Variants in AFG1L observed in about 807,000 individuals in gnomAD.
AFG1L encodes the protein AFG1-like ATPase.
Under a neutral mutation model 62.2 loss-of-function variants are expected in AFG1L, and 53 were observed. The observed-to-expected ratio is 0.85, with a 90% CI of 0.68 to 1.07. The LOEUF (loss-of-function observed/expected upper bound fraction) is 1.07, where lower values mean the gene tolerates loss of function less well. Among genes scored for constraint, AFG1L ranks in the 50% least tolerant of loss-of-function variants. The pLI is 0.00. For missense variants in AFG1L, 555 were observed against 590.5 expected, an observed-to-expected ratio of 0.94 and a Z score of 0.62; for synonymous variants, 228 against 210.3, an observed-to-expected ratio of 1.08 and a Z score of -0.73.
At chr6:108,353,774 TCTA>T (rs1779167783) in intron 3 of AFG1L, among the ~76,000 whole-genome samples, 1 of 152,352 alleles carries the variant, frequency 6.6e-6, no homozygotes, top group African/African-American at 2.4e-5. Context: ...TTATTTAAAA[TCTA>T]CTGCTAATCA....
chr6:108,395,403 CTTTTT>C (rs71551344), intron 6 of AFG1L, among the ~76,000 whole-genome samples: 2 of 122,938 alleles, frequency 1.6e-5, no homozygotes, highest in Non-Finnish European at 3.3e-5. Flanking sequence ...CTTTTCTTTT[CTTTTT>C]TTTTTTTTTT....
At chr6:108,405,813 C>T (rs1781827205) in intron 7 of AFG1L, among the ~76,000 whole-genome samples, 1 of 152,154 alleles carries the variant, frequency 6.6e-6, no homozygotes, top group Non-Finnish European at 1.5e-5. Context: ...CCCTGATTAC[C>T]ACCATTCTGC....
At chr6:108,474,348 T>C (rs1169868079) in intron 8 of AFG1L, among the ~76,000 whole-genome samples, 2 of 152,232 alleles carry the variant, frequency 1.3e-5, no homozygotes. Flanking sequence ...CAAATATATG[T>C]GTGCATTTAT....
intron 9 of AFG1L, 70 bp from the exon 10 acceptor site, chr6:108,477,122 C>A: frequency 9.0e-7 from 1 of 1,105,434 alleles, no homozygotes; most frequent in Middle Eastern, 2.0e-4. Context: ...CTATGCATTT[C>A]CTATCTGTAA....
rs1316940427 is a variant in AFG1L, at chr6:108,316,330, G to A, written c.140-7495G>A. On this transcript the variant is annotated intron_variant, in intron 1 of 12. Coordinates refer to ENST00000368977, the MANE Select transcript of AFG1L (RefSeq NM_145315.5). The stretch of plus-strand genomic sequence containing the variant: ...CGGGAGGCGGAGCTTGCAGTGAGCC[G>A]AGATCCCGCCACTGCACTCCAGCCT... Among the ~76,000 whole-genome samples the A allele has an allele frequency of 3.4e-4, 37 of 107,774 alleles. 1 individual carries two copies. The East Asian group carries it at 0.012, about 34-fold the overall frequency. 70.7% of individuals were successfully genotyped at this position (107,774 alleles called of 152,430 possible). A position where few individuals can be genotyped will look rare whatever the true frequency, so the allele number is the denominator to read the frequency against.
chr6:108,416,595 T>G (rs971696293), intron 7 of AFG1L, among the ~76,000 whole-genome samples: 1 of 152,046 alleles, frequency 6.6e-6, no homozygotes, highest in Non-Finnish European at 1.5e-5. Context: ...TATGCAGCCA[T>G]AAAAAAGGAT....
intron 6 of AFG1L, among the ~76,000 whole-genome samples, chr6:108,389,737 C>G (rs550748443): frequency 2.0e-5 from 3 of 152,218 alleles, no homozygotes; most frequent in Admixed American, 1.3e-4. Context: ...GAATTTCTGC[C>G]GAGAGATCCG....
At chr6:108,419,415 C>T (rs188910014) in intron 7 of AFG1L, among the ~76,000 whole-genome samples, 113 of 152,142 alleles carry the variant, frequency 7.4e-4, no homozygotes, top group Admixed American at 2.2e-3. Flanking sequence ...TGAAAAATAA[C>T]CAACAAGGCA....
intron 1 of AFG1L, among the ~76,000 whole-genome samples, chr6:108,297,712 G>T (rs192449642): frequency 1.3e-5 from 2 of 151,750 alleles, no homozygotes; most frequent in East Asian, 3.9e-4. Context: ...AAACTTAGCC[G>T]GGTGTGGTGG....
chr6:108,355,533 CAT>C, intron 3 of AFG1L, 119 bp from the exon 4 acceptor site: 1 of 493,054 alleles, frequency 2.0e-6, no homozygotes, highest in Non-Finnish European at 3.5e-6. Flanking sequence ...AAAGAAGTGA[CAT>C]AGTCTTCAGC....
chr6:108,367,440 A>C (rs1779807091), intron 6 of AFG1L, among the ~76,000 whole-genome samples: 1 of 152,114 alleles, frequency 6.6e-6, no homozygotes. Context: ...GGAGCAGTAA[A>C]GTGGTGAGAA....
At chr6:108,517,280 G>T (rs1380724692) in intron 11 of AFG1L, among the ~76,000 whole-genome samples, 1 of 152,152 alleles carries the variant, frequency 6.6e-6, no homozygotes, top group Non-Finnish European at 1.5e-5. Context: ...AACCAAAACA[G>T]CATGTTACTG....
intron 7 of AFG1L, among the ~76,000 whole-genome samples, chr6:108,409,150 A>G (rs1781992738): frequency 6.6e-6 from 1 of 152,244 alleles, no homozygotes; most frequent in African/African-American, 2.4e-5. Context: ...AAAATACTGG[A>G]AAGAAATATC....
At chr6:108,446,970 A>G (rs1771832908) in intron 7 of AFG1L, among the ~76,000 whole-genome samples, 1 of 152,184 alleles carries the variant, frequency 6.6e-6, no homozygotes. Flanking sequence ...TTTTTAGGCA[A>G]TGTTTCAGAA....
At chr6:108,428,035 AG>A (rs1021507258) in intron 7 of AFG1L, among the ~76,000 whole-genome samples, 4 of 152,196 alleles carry the variant, frequency 2.6e-5, no homozygotes, top group African/African-American at 9.6e-5. Context: ...TTGAGATTTT[AG>A]TGTACCCATC....
At chr6:108,459,403 C>G (rs907742675) in intron 8 of AFG1L, among the ~76,000 whole-genome samples, 3 of 152,140 alleles carry the variant, frequency 2.0e-5, no homozygotes, top group Admixed American at 6.5e-5. Flanking sequence ...TTCCCTTTCC[C>G]TGGGGATCGC....
chr6:108,444,318 A>G (rs1771675124), intron 7 of AFG1L, among the ~76,000 whole-genome samples: 1 of 152,226 alleles, frequency 6.6e-6, no homozygotes, highest in African/African-American at 2.4e-5. Flanking sequence ...AAATGCCAAT[A>G]ATCATCTGAA....
chr6:108,367,028 T>C (rs1779791134), intron 6 of AFG1L, among the ~76,000 whole-genome samples: 1 of 152,168 alleles, frequency 6.6e-6, no homozygotes, highest in African/African-American at 2.4e-5. Context: ...CCTAGACTTG[T>C]CTCCCTGTTT....
intron 7 of AFG1L, among the ~76,000 whole-genome samples, chr6:108,417,788 GGT>G: frequency 6.6e-6 from 1 of 151,824 alleles, no homozygotes. Flanking sequence ...ATAAAACTTA[GGT>G]AATTCTCCTA....
Sources: allele counts gnomAD v4.1 joint callset (sites outside exome capture counted in the v4.1 genomes callset), GRCh38; gene constraint gnomAD v4.1.1; transcripts MANE v1.5; gene names NCBI Gene and HGNC (gene_info 2026-07-23, HGNC 2026-07-21).